TFAP2A: variants seen among roughly 807,000 people sequenced by gnomAD.
TFAP2A encodes the protein transcription factor AP-2-alpha.
TFAP2A carries 7 observed loss-of-function variants against 41.5 expected under a neutral mutation model. The observed-to-expected ratio is 0.17, with a 90% CI of 0.10 to 0.32. The LOEUF (loss-of-function observed/expected upper bound fraction) is 0.32. TFAP2A is among the 10% of genes least tolerant of loss of function. TFAP2A has a pLI of 1.00. For synonymous variants in TFAP2A, 247 were observed against 242.8 expected, an observed-to-expected ratio of 1.02 and a Z score of -0.16; for missense variants, 416 against 563.3, an observed-to-expected ratio of 0.74 and a Z score of 2.65.
At chr6:10,402,413 C>A (rs772569602) in intron 5 of TFAP2A, 79 bp downstream of exon 5, 6 of 1,060,474 alleles carry the variant, frequency 5.7e-6, no homozygotes, top group Middle Eastern at 4.0e-4. Flanking sequence ...ACATAAAATA[C>A]GACCAAACAT....
intron 1 of TFAP2A, chr6:10,412,571 G>A (rs977495634): frequency 1.1e-5 from 2 of 185,986 alleles, no homozygotes; most frequent in South Asian, 6.9e-5. Flanking sequence ...AAGCGAGCGA[G>A]GACAATCAGA....
chr6:10,413,281 T>A (rs898244211), intron 1 of TFAP2A, among the ~76,000 whole-genome samples: 1 of 152,200 alleles, frequency 6.6e-6, no homozygotes, highest in Non-Finnish European at 1.5e-5. Flanking sequence ...CTCTCATCTT[T>A]TTTTGCCTCG....
intron 1 of TFAP2A, chr6:10,410,855 A>G (rs1336240622): frequency 6.2e-6 from 1 of 160,980 alleles, no homozygotes; most frequent in Non-Finnish European, 1.4e-5. Flanking sequence ...ACACGTTTAA[A>G]TTACCAGCTT....
chr6:10,410,590 A>G (rs1757919765), intron 1 of TFAP2A, among the ~76,000 whole-genome samples: 1 of 152,220 alleles, frequency 6.6e-6, no homozygotes. Context: ...GAAAAGATAG[A>G]AAAGGGTCTC....
chr6:10,415,487 C>T (rs1461013), upstream of TFAP2A: 2 of 246,074 alleles, frequency 8.1e-6, no homozygotes, highest in African/African-American at 4.4e-5. Flanking sequence ...CCCAACACCC[C>T]CTCTCTTACC....
chr6:10,419,353 C>CG, upstream of TFAP2A: 1 of 1,573,180 alleles, frequency 6.4e-7, no homozygotes, highest in Non-Finnish European at 8.7e-7. Context: ...CTCCTCCCCG[C>CG]TCCGGCCCCC....
At position 10,411,437 on chromosome 6, in the gene TFAP2A, G is replaced by T. The variant is rs1222628739; in HGVS notation, c.52-1102C>A. 2.7e-6 allele frequency: 4 copies of T among 1,462,026 alleles called. No individual in the cohort carries two copies. The East Asian group carries it at 6.9e-5, about 25-fold the overall frequency. The allele number at this position is 1,462,026 out of a possible 1,614,324, so 90.6% of individuals were successfully genotyped here. A position where few individuals can be genotyped will look rare whatever the true frequency, so the allele number is the denominator to read the frequency against. On this transcript the variant is annotated intron_variant, in intron 1 of 6. Transcript: ENST00000379613. The stretch of plus-strand genomic sequence containing the variant: ...CGAGAGAAAGGCGGAAGGTGGGGTG[G>T]GGGATGCAAATGGAGAGGGTGTCCT...
At chr6:10,411,841 G>A (rs1042150680) in intron 1 of TFAP2A, 5 of 1,402,280 alleles carry the variant, frequency 3.6e-6, no homozygotes, top group Non-Finnish European at 4.7e-6. Flanking sequence ...ATCCTGCCGC[G>A]ACTGGTTATG....
At chr6:10,412,807 C>G (rs1051796411) in intron 1 of TFAP2A, 1 of 189,494 alleles carries the variant, frequency 5.3e-6, no homozygotes, top group Non-Finnish European at 1.1e-5. Flanking sequence ...CCGGGACCGG[C>G]CCGCTCGCTG....
At chr6:10,402,346 G>A (rs1561706879) in intron 5 of TFAP2A, 146 bp downstream of exon 5, 8 of 758,850 alleles carry the variant, frequency 1.1e-5, no homozygotes, top group Non-Finnish European at 1.5e-5. Context: ...TTTTTGCCAT[G>A]AAATAATTCC....
chr6:10,407,561 G>C (rs528787133), intron 2 of TFAP2A: 1 of 147,972 alleles, frequency 6.8e-6, no homozygotes, highest in Admixed American at 6.8e-5. Flanking sequence ...GTCAAAACGT[G>C]ATTAGAAAGT....
upstream of TFAP2A, among the ~76,000 whole-genome samples, chr6:10,417,359 G>A (rs549022491): frequency 4.8e-4 from 73 of 152,356 alleles, no homozygotes; most frequent in Non-Finnish European, 8.4e-4. Context: ...GCGCCATTGA[G>A]GTGCAGATTG....
chr6:10,398,737 T>C lies in TFAP2A; in HGVS notation c.1032-32A>G, dbSNP rs774123127. The C allele has an allele frequency of 6.2e-6, 10 of 1,612,168 alleles. No individual in the cohort carries two copies. The highest frequency in any genetic ancestry group is 8.5e-6 in the Non-Finnish European group (10 of 1,178,970). ...CACAAGTGGAGCAGAGAGAGAGACATAAGGCTCCACTATGGGCAGCACTAG... is the reference window on the plus strand; with the variant it reads ...CACAAGTGGAGCAGAGAGAGAGACACAAGGCTCCACTATGGGCAGCACTAG... On this transcript the variant is annotated intron_variant, in intron 6 of 6. Coordinates refer to ENST00000379613, the MANE Select transcript of TFAP2A (RefSeq NM_001372066.1). The surrounding 1 kb of genome is among the most constrained non-coding windows in gnomAD (Gnocchi z 5.3).
rs1321473588 is a variant in TFAP2A, at chr6:10,397,036, A to AC, written c.*1380_*1381insG. On this transcript the variant is annotated 3_prime_UTR_variant, in exon 7 of 7. Coordinates refer to ENST00000379613, the MANE Select transcript of TFAP2A (RefSeq NM_001372066.1). ...GTAAAGACAGCCACTGAATAAAAAA[A>AC]AATCGACATAAAGCGTATCAAATAT... 1 of 152,630 alleles carries AC rather than the reference A, an allele frequency of 6.6e-6. No individual in the cohort carries two copies. Among genetic ancestry groups the AC allele is most frequent in the East Asian group, 1.9e-4 (1 of 5,204 alleles). 9.5% of individuals were successfully genotyped at this position (152,630 alleles called of 1,614,324 possible). A position where few individuals can be genotyped will look rare whatever the true frequency, so the allele number is the denominator to read the frequency against.
intron 1 of TFAP2A, chr6:10,411,051 C>T (rs1027378309): frequency 7.0e-6 from 1 of 142,112 alleles, no homozygotes; most frequent in Non-Finnish European, 1.5e-5. Flanking sequence ...CTGTGGCCCC[C>T]CCCCCCCGCC....
chr6:10,419,280 C>T (rs1438770417), upstream of TFAP2A: 2 of 1,023,738 alleles, frequency 2.0e-6, no homozygotes, highest in Non-Finnish European at 3.0e-6. Flanking sequence ...GGGAGCTCTC[C>T]TGGGCGCTGC....
chr6:10,404,457 G>C, intron 4 of TFAP2A, 51 bp downstream of exon 4: 4 of 1,380,654 alleles, frequency 2.9e-6, no homozygotes, highest in Non-Finnish European at 3.8e-6. Context: ...CGCAAGCGCA[G>C]TGGTTCCCCC....
intron 2 of TFAP2A, chr6:10,407,233 G>A: frequency 3.7e-6 from 1 of 268,020 alleles, no homozygotes; most frequent in African/African-American, 2.2e-5. Flanking sequence ...CAGTGTTCAG[G>A]CAGCGAAAGC....
chr6:10,414,504 G>A (rs539960980), intron 1 of TFAP2A: 11 of 301,254 alleles, frequency 3.7e-5, no homozygotes, highest in South Asian at 3.6e-4. Context: ...GAAAGAAGAA[G>A]GAATATTAAA....
Sources: allele counts gnomAD v4.1 joint callset (sites outside exome capture counted in the v4.1 genomes callset), GRCh38; gene constraint gnomAD v4.1.1; non-coding constraint Gnocchi (gnomAD v3.1); transcripts MANE v1.5; gene names NCBI Gene and HGNC (gene_info 2026-07-23, HGNC 2026-07-21).